Variants in CFAP206 observed in about 807,000 individuals in gnomAD.
The protein encoded by CFAP206 is cilia- and flagella-associated protein 206.
CFAP206 carries 53 observed loss-of-function variants against 65.4 expected under a neutral mutation model. That is an observed-to-expected ratio of 0.81 (90% CI 0.65 to 1.02). The LOEUF is 1.02. Among genes scored for constraint, CFAP206 ranks in the 50% least tolerant of loss-of-function variants. The pLI, the probability that CFAP206 is intolerant of heterozygous loss-of-function variation, is 0.00. For synonymous variants in CFAP206, 250 were observed against 254.4 expected (o/e 0.98, Z 0.17); for missense variants, 663 against 753.2 (o/e 0.88, Z 1.40).
intron 2 of CFAP206, among the ~76,000 whole-genome samples, chr6:87,410,317 A>G (rs1211084977): frequency 1.3e-5 from 2 of 152,236 alleles, no homozygotes; most frequent in East Asian, 1.9e-4. Flanking sequence ...TAGTTTCCCA[A>G]TTGAAAACCT....
chr6:87,413,759 G>C, intron 3 of CFAP206, 51 bp from the exon 4 acceptor site: 1 of 1,071,550 alleles, frequency 9.3e-7, no homozygotes, highest in Non-Finnish European at 1.4e-6. Context: ...GGAAATACTT[G>C]ACTGTCTCAA....
intron 10 of CFAP206, among the ~76,000 whole-genome samples, 173 bp downstream of exon 10, chr6:87,431,346 A>G (rs35332886): frequency 0.27 from 40,664 of 152,146 alleles, 5,577 homozygotes; most frequent in African/African-American, 0.31. Context: ...GTGCTCTGGT[A>G]GACTGACATA....
rs1562248097 is a variant in CFAP206 at position 87,434,955 on chromosome 6, TA to T, written c.1397del (p.Tyr466LeufsTer4). 6.3e-7 allele frequency: 1 copy of T among 1,587,768 alleles called. No homozygotes were observed. The highest frequency in any genetic ancestry group is 1.7e-5 in the Admixed American group (1 of 59,274). ...AYSFAENPEHYIDIVREKAKK... is the reference protein window; with the variant it reads ...AYSFAENPEHXIDIVREKAKK... ...TTCATTTGCAGAAAATCCTGAACATTATATTGACATAGTTAGAGAAAAGGCC... is the reference window on the plus strand; with the variant it reads ...TTCATTTGCAGAAAATCCTGAACATTTATTGACATAGTTAGAGAAAAGGCC... On this transcript the variant is annotated frameshift_variant, in exon 11 of 13. Transcript: ENST00000369562. LOFTEE classifies it high-confidence loss of function.
intron 6 of CFAP206, among the ~76,000 whole-genome samples, chr6:87,417,732 T>G (rs912565408): frequency 3.3e-5 from 5 of 151,558 alleles, no homozygotes; most frequent in African/African-American, 1.2e-4. Flanking sequence ...GTTAATATCT[T>G]TTGTTTGAAC....
intron 12 of CFAP206, among the ~76,000 whole-genome samples, chr6:87,463,108 G>A (rs1416748598): frequency 6.6e-6 from 1 of 152,212 alleles, no homozygotes; most frequent in Non-Finnish European, 1.5e-5. Context: ...GGAATAGCAA[G>A]AAGATTTTTT....
At chr6:87,413,946 G>T in intron 4 of CFAP206, 46 bp downstream of exon 4, 1 of 953,962 alleles carries the variant, frequency 1.0e-6, no homozygotes. Flanking sequence ...TTCATACTGT[G>T]TTTCAGCTAA....
intron 11 of CFAP206, 48 bp from the exon 12 acceptor site, chr6:87,460,974 T>A: frequency 6.7e-7 from 1 of 1,491,594 alleles, no homozygotes; most frequent in Non-Finnish European, 9.0e-7. Flanking sequence ...TATCAGTAAA[T>A]AATGTTTATT....
chr6:87,409,897 G>T lies in CFAP206; in HGVS notation c.58G>T (p.Glu20Ter). Residue 20 changes from glutamate (E) to a stop codon, truncating the protein, a stop_gained, in exon 2 of 13, where the codon GAA becomes TAA. Coordinates refer to ENST00000369562, the MANE Select transcript of CFAP206 (RefSeq NM_001031743.3). LOFTEE classifies it high-confidence loss of function. Reference sequence around the variant, plus strand: ...GAGTATTATACGAGAAATAGGACAAGAATGTGCAGCCCATGGAGAGATTGT... The same window carrying T: ...GAGTATTATACGAGAAATAGGACAATAATGTGCAGCCCATGGAGAGATTGT... ...IRSIIREIGQECAAHGEIVSE... is the reference protein window; with the variant it reads ...IRSIIREIGQ The T allele has an allele frequency of 1.9e-6, 3 of 1,613,468 alleles. No homozygotes were observed. Among genetic ancestry groups the T allele is most frequent in the East Asian group, 2.2e-5 (1 of 44,764 alleles).
intron 7 of CFAP206, among the ~76,000 whole-genome samples, chr6:87,425,223 GAAGAA>G (rs1768018355): frequency 6.6e-6 from 1 of 152,090 alleles, no homozygotes; most frequent in African/African-American, 2.4e-5. Flanking sequence ...CTTGTTATAA[GAAGAA>G]AAGAATATTA....
chr6:87,423,731 A>G (rs912379870), intron 7 of CFAP206, among the ~76,000 whole-genome samples: 1 of 152,202 alleles, frequency 6.6e-6, no homozygotes, highest in Non-Finnish European at 1.5e-5. Flanking sequence ...GCAAGGGGGA[A>G]AAAACTCTAT....
rs1457435689 is a variant in CFAP206, at chr6:87,410,681, C to T, written c.192+13C>T. ...GAATCTTGTTAAGGTGATTACCCAA[C>T]AGTCCTCAAATTTGCAATTACTTAT... is the stretch of plus-strand genomic sequence containing the variant. On this transcript the variant is annotated intron_variant, in intron 3 of 12. Transcript: ENST00000369562. 3 of 1,603,980 alleles carry T rather than the reference C, an allele frequency of 1.9e-6. No homozygotes were observed. Among genetic ancestry groups the T allele is most frequent in the Non-Finnish European group, 2.6e-6 (3 of 1,171,430 alleles).
intron 11 of CFAP206, among the ~76,000 whole-genome samples, chr6:87,437,110 C>G (rs1371881424): frequency 1.3e-5 from 2 of 152,144 alleles, no homozygotes; most frequent in Non-Finnish European, 2.9e-5. Flanking sequence ...GCTGGGATTA[C>G]AGGCGTCTGC....
intron 5 of CFAP206, 83 bp downstream of exon 5, chr6:87,415,957 T>A: frequency 9.4e-7 from 1 of 1,067,462 alleles, no homozygotes; most frequent in Non-Finnish European, 1.2e-6. Flanking sequence ...TTAGAAGTGT[T>A]AAAGATTGAA....
intron 4 of CFAP206, chr6:87,415,459 G>A (rs1767809266): frequency 1.8e-6 from 1 of 552,656 alleles, no homozygotes; most frequent in Admixed American, 2.3e-5. Context: ...AGTCTTAGGT[G>A]TTTTGACAAA....
intron 12 of CFAP206, among the ~76,000 whole-genome samples, chr6:87,461,571 T>C (rs899305581): frequency 3.9e-5 from 6 of 152,100 alleles, no homozygotes; most frequent in African/African-American, 1.4e-4. Flanking sequence ...TGATTCTCAG[T>C]CACCTTAATT....
chr6:87,434,554 A>G (rs141098549), intron 10 of CFAP206, among the ~76,000 whole-genome samples: 29 of 150,300 alleles, frequency 1.9e-4, no homozygotes, highest in African/African-American at 6.9e-4. Context: ...CTAGAGTGCA[A>G]TGGCACGATC....
chr6:87,426,571 C>T lies in CFAP206; in HGVS notation c.886C>T (p.Gln296Ter). The part of the protein sequence containing the change: ...GAQEVEMMTK[Q>*]LGAHLEQLKM... ...TCAAGAAGTGGAAATGATGACAAAA[C>T]AGTTAGGAGCCCATCTGGAACAACT... The change falls in exon 8 of 13, where the codon CAG (glutamine) becomes TAG (stop). Residue 296 changes from glutamine (Q) to a stop codon, truncating the protein, a stop_gained. Transcript: ENST00000369562. LOFTEE classifies it high-confidence loss of function. The T allele has an allele frequency of 1.9e-6, 3 of 1,600,304 alleles. No homozygotes were observed. The highest frequency in any genetic ancestry group is 2.6e-6 in the Non-Finnish European group (3 of 1,172,638).
intron 7 of CFAP206, 45 bp downstream of exon 7, chr6:87,418,461 C>A: frequency 1.3e-6 from 2 of 1,515,624 alleles, no homozygotes; most frequent in South Asian, 1.1e-5. Flanking sequence ...ATAATGCAAT[C>A]TCTTTATATA....
chr6:87,443,808 T>C (rs1210118170), intron 11 of CFAP206, among the ~76,000 whole-genome samples: 2 of 152,102 alleles, frequency 1.3e-5, no homozygotes, highest in Admixed American at 6.6e-5. Flanking sequence ...CCAGTATCTG[T>C]TGTTGCCATC....
Sources: gnomAD v4.1 joint callset for allele counts (sites outside exome capture counted in the v4.1 genomes callset) on GRCh38, gnomAD v4.1.1 for gene constraint, MANE v1.5 for transcripts, NCBI Gene and HGNC (gene_info 2026-07-23, HGNC 2026-07-21) for gene names.